The following VPS39 variants were observed in gnomAD, a reference collection of about 807,000 sequenced individuals.
The protein encoded by VPS39 is vam6/Vps39-like protein.
In VPS39, 70 loss-of-function variants were observed where a neutral mutation model predicts 121.0. The observed-to-expected ratio is 0.58, with a 90% CI of 0.48 to 0.71. VPS39 has a LOEUF of 0.71. Ranked by LOEUF, VPS39 falls within the 30% of genes least tolerant of loss-of-function variation. The probability of loss-of-function intolerance (pLI) is 0.00; values close to 1 mark genes in which losing one functional copy is unlikely to be tolerated. For synonymous variants in VPS39, 378 were observed against 398.1 expected (o/e 0.95, Z 0.60); for missense variants, 818 against 1,051.5 (o/e 0.78, Z 3.07).
intron 11 of VPS39, among the ~76,000 whole-genome samples, chr15:42,172,856 G>A (rs935159579): frequency 2.0e-5 from 3 of 152,050 alleles, no homozygotes; most frequent in East Asian, 1.9e-4. Context: ...CTACTTAAAC[G>A]ATCCAGAGTT....
chr15:42,163,691 C>T lies in VPS39; in HGVS notation c.2064G>A (p.Met688Ile), dbSNP rs762904391. 6.2e-7 allele frequency: 1 copy of T among 1,613,852 alleles called. No homozygotes were observed. The highest frequency in any genetic ancestry group is 2.2e-5 in the East Asian group (1 of 44,876). ...LEERALLLGR[M>I]GKHEQALFIY... ...TGAAAAGAGCTTGTTCATGTTTCCC[C>T]ATGCGCCCCAACAGGAGAGCTCGTT... is the stretch of plus-strand genomic sequence containing the variant. The change falls in exon 20 of 25, where the codon ATG becomes ATA. Residue 688 changes from methionine (M) to isoleucine (I), a missense_variant. Physicochemically the swap from Met to Ile is conservative, Grantham distance 10. Transcript: ENST00000318006.
In VPS39 at chr15:42,189,226, T is replaced by C. The variant is rs372420854; in HGVS notation, c.248-18A>G. The C allele has an allele frequency of 6.3e-7, 1 of 1,583,256 alleles. No homozygotes were observed. Among genetic ancestry groups the C allele is most frequent in the Non-Finnish European group, 8.7e-7 (1 of 1,152,654 alleles). ...GTTATTTTCTGTTTGGGAGGAGGTA[T>C]AACATCAGGATCAATGATCATAATT... On this transcript the variant is annotated intron_variant, in intron 4 of 24. Transcript: ENST00000318006.
At chr15:42,203,622 C>T (rs1367434431) in intron 1 of VPS39, among the ~76,000 whole-genome samples, 1 of 151,586 alleles carries the variant, frequency 6.6e-6, no homozygotes, top group Non-Finnish European at 1.5e-5. Context: ...GCCTGGGTGA[C>T]AAGTGTGAAA....
intron 4 of VPS39, among the ~76,000 whole-genome samples, chr15:42,190,872 A>C (rs1320208882): frequency 6.6e-6 from 1 of 150,782 alleles, no homozygotes; most frequent in Non-Finnish European, 1.5e-5. Context: ...TCTAGTCCAG[A>C]CTTTGCATAG....
chr15:42,162,141 G>A lies in VPS39; in HGVS notation c.2351C>T (p.Thr784Ile), dbSNP rs2049141187. 1.2e-6 allele frequency: 2 copies of A among 1,614,094 alleles called. No homozygotes were observed. The highest frequency in any genetic ancestry group is 2.2e-5 in the South Asian group (2 of 91,082). ...TKALNLLPAN[T>I]QINDIRIFLE... Reference sequence around the variant, plus strand: ...GAAGATGCGTATGTCATTGATCTGAGTGTTTGCTGGCAGAAGGTTGAGGGC... The same window carrying A: ...GAAGATGCGTATGTCATTGATCTGAATGTTTGCTGGCAGAAGGTTGAGGGC... The change falls in exon 23 of 25, where the codon ACT becomes ATT. Residue 784 changes from threonine (T) to isoleucine (I), a missense_variant. Transcript: ENST00000318006.
chr15:42,186,936 G>C (rs1229826712), intron 7 of VPS39, among the ~76,000 whole-genome samples: 1 of 152,224 alleles, frequency 6.6e-6, no homozygotes, highest in African/African-American at 2.4e-5. Context: ...ACTAAAATTA[G>C]TTTAAAATTC....
chr15:42,166,262 T>C (rs2049240623), intron 15 of VPS39, 30 bp from the exon 16 acceptor site: 1 of 1,606,626 alleles, frequency 6.2e-7, no homozygotes, highest in Non-Finnish European at 8.5e-7. Flanking sequence ...TTGTCAGCAG[T>C]TGAGGCCCAT....
Position 42,166,773 on chromosome 15 carries a change from T to C in VPS39, c.1518A>G (p.Lys506=). The change falls in exon 14 of 25, where the codon AAA becomes AAG. Residue 506 remains lysine, a splice_region_variant and synonymous_variant. Coordinates refer to ENST00000318006, the MANE Select transcript of VPS39 (RefSeq NM_015289.5). The part of the protein sequence containing the change: ...ILYEKKGLHE[K]ALQVLVDQSK... ...AGATCCAAGGAACCACTCCCACACC[T>C]TTCTCGTGGAGCCCCTTCTTCTCAT... The C allele has an allele frequency of 6.2e-7, 1 of 1,614,064 alleles. No individual in the cohort carries two copies. The highest frequency in any genetic ancestry group is 1.7e-5 in the Admixed American group (1 of 60,026).
At position 42,161,848 on chromosome 15, in the gene VPS39, G is replaced by GT. The variant is rs1372626451; in HGVS notation, c.2461-76dup. ...AAACAGGAGGCAGAGGCCAGCAACTGTGTCCTCTTTCAGTCGTCACAGATT... is the reference window on the plus strand; with the variant it reads ...AAACAGGAGGCAGAGGCCAGCAACTGTTGTCCTCTTTCAGTCGTCACAGATT... On this transcript the variant is annotated intron_variant, in intron 23 of 24. Transcript: ENST00000318006. The GT allele has an allele frequency of 1.4e-5, 22 of 1,583,880 alleles. No homozygotes were observed. In the African/African-American group the frequency reaches 2.8e-4, roughly 20 times the overall value.
chr15:42,186,616 C>A (rs1456619032), intron 7 of VPS39, among the ~76,000 whole-genome samples: 1 of 152,100 alleles, frequency 6.6e-6, no homozygotes, highest in Non-Finnish European at 1.5e-5. Flanking sequence ...AGAAAAACAA[C>A]GTCATGGATA....
At chr15:42,194,818 C>G (rs1339867975) in intron 2 of VPS39, among the ~76,000 whole-genome samples, 1 of 151,126 alleles carries the variant, frequency 6.6e-6, no homozygotes, top group Non-Finnish European at 1.5e-5. Context: ...CTGTTTTTTT[C>G]GTTTTTTTAA....
intron 2 of VPS39, among the ~76,000 whole-genome samples, chr15:42,193,924 A>T (rs547125633): frequency 1.3e-5 from 2 of 152,296 alleles, no homozygotes; most frequent in South Asian, 4.1e-4. Context: ...TTCAAACAAA[A>T]ATAATACTCC....
chr15:42,173,017 A>C (rs2049377337), intron 11 of VPS39, among the ~76,000 whole-genome samples: 2 of 152,332 alleles, frequency 1.3e-5, no homozygotes, highest in African/African-American at 4.8e-5. Flanking sequence ...CAATCCAAGT[A>C]TATATAGATA....
chr15:42,166,252 T>C lies in VPS39; in HGVS notation c.1607-20A>G. 1 of 1,612,296 alleles carries C rather than the reference T, an allele frequency of 6.2e-7. No individual in the cohort carries two copies. Among genetic ancestry groups the C allele is most frequent in the Non-Finnish European group, 8.5e-7 (1 of 1,178,532 alleles). ...CTGTGCCTAGAAGGAAAAGCAGGAC[T>C]TGTCAGCAGTTGAGGCCCATCTTGC... is the stretch of plus-strand genomic sequence containing the variant. On this transcript the variant is annotated intron_variant, in intron 15 of 24. Transcript: ENST00000318006.
intron 10 of VPS39, among the ~76,000 whole-genome samples, chr15:42,175,202 A>G (rs1488015602): frequency 1.3e-5 from 2 of 151,948 alleles, no homozygotes; most frequent in Non-Finnish European, 2.9e-5. Context: ...TCATGAGGTC[A>G]GGAAAGACCA....
chr15:42,195,468 C>T (rs1228928006), intron 2 of VPS39, among the ~76,000 whole-genome samples: 1 of 152,136 alleles, frequency 6.6e-6, no homozygotes, highest in Non-Finnish European at 1.5e-5. Flanking sequence ...GCAACTTCAG[C>T]AAAGTCTCAG....
In VPS39 at chr15:42,160,656, CT is replaced by C. The variant is rs1023578170; in HGVS notation, c.*97del. On this transcript the variant is annotated 3_prime_UTR_variant, in exon 25 of 25. Coordinates refer to ENST00000318006, the MANE Select transcript of VPS39 (RefSeq NM_015289.5). ...AGCCAGTAATGTCCAAATGGGGAGC[CT>C]TGTGGTGGTGGCAGCCAGGATTCCT... 32 of 1,065,640 alleles carry C rather than the reference CT, an allele frequency of 3.0e-5. No individual in the cohort carries two copies. In the African/African-American group the frequency reaches 4.2e-4, roughly 14 times the overall value. The allele number at this position is 1,065,640 out of a possible 1,614,324, so 66.0% of individuals were successfully genotyped here.
At chr15:42,199,732 G>T in intron 2 of VPS39, 164 bp downstream of exon 2, 3 of 658,350 alleles carry the variant, frequency 4.6e-6, no homozygotes, top group Non-Finnish European at 7.5e-6. Context: ...AATACAATTT[G>T]GAGGAGAAAA....
At chr15:42,177,318 G>A (rs988964443) in intron 10 of VPS39, among the ~76,000 whole-genome samples, 4 of 151,994 alleles carry the variant, frequency 2.6e-5, no homozygotes, top group African/African-American at 7.3e-5. Flanking sequence ...CATCACTGAC[G>A]ATGTTTAAAA....
Sources: allele counts gnomAD v4.1 joint callset (sites outside exome capture counted in the v4.1 genomes callset), GRCh38; gene constraint gnomAD v4.1.1; transcripts MANE v1.5; gene names NCBI Gene and HGNC (gene_info 2026-07-23, HGNC 2026-07-21).